Variants in MATK observed in about 807,000 individuals in gnomAD.
MATK encodes megakaryocyte-associated tyrosine kinase, also known as megakaryocyte-associated tyrosine-protein kinase.
MATK carries 41 observed loss-of-function variants against 59.8 expected under a neutral mutation model. The ratio of observed to expected loss-of-function variants is 0.69; its 90% CI spans 0.53 to 0.89. The LOEUF is 0.89. Among genes scored for constraint, MATK ranks in the 40% least tolerant of loss-of-function variants. The probability of loss-of-function intolerance (pLI) is 0.00; values close to 1 mark genes in which losing one functional copy is unlikely to be tolerated. For missense variants in MATK, 593 were observed against 719.6 expected, an observed-to-expected ratio of 0.82 and a Z score of 2.01; for synonymous variants, 308 against 306.1, an observed-to-expected ratio of 1.01 and a Z score of -0.06.
At chr19:3,793,657 A>G (rs972159068) in intron 1 of MATK, among the ~76,000 whole-genome samples, 39 of 151,194 alleles carry the variant, frequency 2.6e-4, no homozygotes, top group Non-Finnish European at 5.2e-4. Context: ...AGCGGAGATC[A>G]CGCCACTGCA....
At position 3,778,282 on chromosome 19, in the gene MATK, G is replaced by A. The variant is rs193127566; in HGVS notation, c.1425C>T (p.Ala475=). The part of the protein sequence containing the change: ...PARRPPFRKL[A]EKLARELRSA... ...TGCGTAGCTCCCGGGCCAGCTTCTC[G>A]GCCAGTTTGCGGAAGGGTGGCCGGC... The change falls in exon 14 of 14, where the codon GCC becomes GCT. Residue 475 remains alanine, a synonymous_variant. Transcript: ENST00000310132. 28 of 1,574,536 alleles carry A rather than the reference G, an allele frequency of 1.8e-5. No homozygotes were observed. The highest frequency in any genetic ancestry group is 6.7e-5 in the East Asian group (3 of 44,516).
intron 1 of MATK, among the ~76,000 whole-genome samples, chr19:3,799,691 A>T (rs897284112): frequency 2.6e-5 from 4 of 151,892 alleles, no homozygotes; most frequent in African/African-American, 9.7e-5. Context: ...ATACAAAAAA[A>T]TTAGCTGGGT....
chr19:3,783,086 T>C, intron 7 of MATK, 40 bp downstream of exon 7: 2 of 1,598,558 alleles, frequency 1.3e-6, no homozygotes, highest in Non-Finnish European at 1.7e-6. Flanking sequence ...TGGGCTAACG[T>C]GGGTAGGGAA....
intron 1 of MATK, chr19:3,793,419 T>G (rs747171043): frequency 1.3e-5 from 2 of 151,918 alleles, no homozygotes; most frequent in Non-Finnish European, 2.9e-5. Flanking sequence ...AATACAAAAA[T>G]TAGGCCAGGT....
At chr19:3,780,040 G>A (rs569560797) in intron 8 of MATK, among the ~76,000 whole-genome samples, 1 of 152,324 alleles carries the variant, frequency 6.6e-6, no homozygotes, top group South Asian at 2.1e-4. Flanking sequence ...CAGCACTTTG[G>A]GAGGCTGAGG....
chr19:3,788,009 T>C (rs2145107524), upstream of MATK, among the ~76,000 whole-genome samples: 1 of 150,656 alleles, frequency 6.6e-6, no homozygotes, highest in African/African-American at 2.4e-5. Context: ...GCGAACCTCC[T>C]GCCTCAGCCT....
intron 3 of MATK, 116 bp downstream of exon 3, chr19:3,784,709 G>T: frequency 1.3e-6 from 1 of 777,746 alleles, no homozygotes; most frequent in Non-Finnish European, 2.3e-6. Context: ...GCCAGGCCGA[G>T]GCCAGCAGAA....
At chr19:3,799,453 C>T (rs1313844450) in intron 1 of MATK, among the ~76,000 whole-genome samples, 1 of 152,204 alleles carries the variant, frequency 6.6e-6, no homozygotes, top group African/African-American at 2.4e-5. Context: ...TGTCAACATC[C>T]TCAATGGGAG....
intron 3 of MATK, 148 bp downstream of exon 3, chr19:3,784,677 G>A (rs923162111): frequency 4.2e-6 from 3 of 717,488 alleles, no homozygotes; most frequent in South Asian, 3.1e-5. Context: ...AGAAGGTCAG[G>A]AAGCCAAGAT....
chr19:3,779,602 C>A lies in MATK; in HGVS notation c.858G>T (p.Glu286Asp), dbSNP rs766239789. ...TCACGCCCAGGAGACGCACCAGGTT[C>A]TCGTGTTGCATCTTCCTGGGGGCGG... Reference protein sequence around the residue: ...ETAVMTKMQHENLVRLLGVIL... With the variant: ...ETAVMTKMQHDNLVRLLGVIL... Residue 286 changes from glutamate to aspartate, a missense_variant, in exon 10 of 14, where the codon GAG (glutamate) becomes GAT (aspartate). Coordinates refer to ENST00000310132, the MANE Select transcript of MATK (RefSeq NM_139355.3). 1 of 1,611,988 alleles carries A rather than the reference C, an allele frequency of 6.2e-7. No homozygotes were observed. The highest frequency in any genetic ancestry group is 8.5e-7 in the Non-Finnish European group (1 of 1,179,570).
Position 3,783,872 on chromosome 19 carries a change from TC to T in MATK, c.523del (p.Asp175ThrfsTer34). The T allele has an allele frequency of 6.2e-7, 1 of 1,613,126 alleles. No homozygotes were observed. The highest frequency in any genetic ancestry group is 8.5e-7 in the Non-Finnish European group (1 of 1,179,856). On this transcript the variant is annotated frameshift_variant, in exon 6 of 14. Coordinates refer to ENST00000310132, the MANE Select transcript of MATK (RefSeq NM_139355.3). LOFTEE classifies it high-confidence loss of function. ...DVIHYRVLHR[D>X]GHLTIDEAVF... ...GGCCTCATCGATTGTGAGGTGGCCG[TC>T]GCGGTGCAGCACGCGGTAGTGGATG...
chr19:3,783,366 A>C (rs1371297017), intron 6 of MATK, 147 bp from the exon 7 acceptor site: 2 of 662,594 alleles, frequency 3.0e-6, no homozygotes, highest in East Asian at 2.7e-5. Context: ...AAAGGAGGCA[A>C]GCCAAAAGGA....
At chr19:3,788,798 TCTC>T (rs1234896646), upstream of MATK, among the ~76,000 whole-genome samples, 1 of 151,354 alleles carries the variant, frequency 6.6e-6, no homozygotes, top group African/African-American at 2.4e-5. Context: ...TTCAAGCAAT[TCTC>T]CTGTTTCAGC....
At chr19:3,799,162 T>C (rs2037621725) in intron 1 of MATK, among the ~76,000 whole-genome samples, 1 of 152,140 alleles carries the variant, frequency 6.6e-6, no homozygotes. Context: ...TGGGTCCCTG[T>C]GCCTGAACCT....
rs774312530 is a variant in MATK at position 3,784,413 on chromosome 19, G to A, written c.171C>T (p.Cys57=). ...WAPGTQCITK[C]EHTRPKPGEL... ...CCCCTGGCTTGGGGCGGGTGTGCTC[G>A]CATTTGGTGATACACTGGGTGCCCG... Residue 57 remains cysteine (C), a synonymous_variant, in exon 4 of 14, where the codon TGC becomes TGT. Coordinates refer to ENST00000310132, the MANE Select transcript of MATK (RefSeq NM_139355.3). 11 of 1,602,396 alleles carry A rather than the reference G, an allele frequency of 6.9e-6. No individual in the cohort carries two copies. The highest frequency in any genetic ancestry group is 1.7e-4 in the Middle Eastern group (1 of 5,758).
intron 8 of MATK, 70 bp from the exon 9 acceptor site, chr19:3,779,867 A>G: frequency 1.1e-6 from 1 of 939,742 alleles, no homozygotes; most frequent in Non-Finnish European, 1.8e-6. Flanking sequence ...AGACAGACGG[A>G]CAGGCCCGCT....
rs749562797 is a variant in MATK at position 3,779,332 on chromosome 19, C to A, written c.1001+46G>T. On this transcript the variant is annotated intron_variant, in intron 11 of 13. Coordinates refer to ENST00000310132, the MANE Select transcript of MATK (RefSeq NM_139355.3). ...TCCCCTTGATGGATCTTGGAATCTGCGCCCCGACGACCCCAGTGCCGCAGC... is the reference window on the plus strand; with the variant it reads ...TCCCCTTGATGGATCTTGGAATCTGAGCCCCGACGACCCCAGTGCCGCAGC... The A allele has an allele frequency of 5.0e-6, 8 of 1,601,268 alleles. No homozygotes were observed. The South Asian group carries it at 5.5e-5, about 11-fold the overall frequency.
chr19:3,795,194 GTC>G (rs1372522939), intron 1 of MATK, among the ~76,000 whole-genome samples: 1 of 150,488 alleles, frequency 6.6e-6, no homozygotes, highest in East Asian at 2.0e-4. Context: ...AGCCAGGATG[GTC>G]TCGATCTCCT....
chr19:3,798,568 A>C (rs2037615749), intron 1 of MATK, among the ~76,000 whole-genome samples: 2 of 152,166 alleles, frequency 1.3e-5, no homozygotes, highest in African/African-American at 2.4e-5. Flanking sequence ...GCTGGAGTGC[A>C]ATGGCACAGT....
Sources: gnomAD v4.1 joint callset for allele counts (sites outside exome capture counted in the v4.1 genomes callset) on GRCh38, gnomAD v4.1.1 for gene constraint, MANE v1.5 for transcripts, NCBI Gene and HGNC (gene_info 2026-07-23, HGNC 2026-07-21) for gene names.